MMP12: variants seen among roughly 807,000 people sequenced by gnomAD.
MMP12 encodes the protein matrix metallopeptidase 12, also known as macrophage metalloelastase.
Under a neutral mutation model 45.2 loss-of-function variants are expected in MMP12, and 51 were observed. The observed-to-expected ratio is 1.13, with a 90% CI of 0.90 to 1.42. The LOEUF is 1.42. Among genes scored for constraint, MMP12 ranks in the 40% most tolerant of loss-of-function variants. The pLI is 0.00. For missense variants in MMP12, 530 were observed against 570.8 expected (o/e 0.93, Z 0.73); for synonymous variants, 210 against 193.3 (o/e 1.09, Z -0.72).
intron 4 of MMP12, 154 bp downstream of exon 4, chr11:102,871,440 G>A (rs1859493232): frequency 1.8e-6 from 1 of 555,488 alleles, no homozygotes; most frequent in Non-Finnish European, 2.3e-6. Context: ...TTGATTTAGA[G>A]GCAAAATTAT....
At position 102,864,021 on chromosome 11, in the gene MMP12, G is replaced by A. The variant is rs1859339023; in HGVS notation, c.1312+125C>T. 4 of 708,798 alleles carry A rather than the reference G, an allele frequency of 5.6e-6. No homozygotes were observed. The East Asian group carries it at 1.1e-4, about 19-fold the overall frequency. 43.9% of individuals were successfully genotyped at this position (708,798 alleles called of 1,614,324 possible). A position where few individuals can be genotyped will look rare whatever the true frequency, so the allele number is the denominator to read the frequency against. ...CCACGTACAGTGTGAGTTTTTCCTT[G>A]CGGCCCTATGGGGAACTGCAGAAAC... On this transcript the variant is annotated intron_variant, in intron 9 of 9. Transcript: ENST00000571244.
intron 6 of MMP12, among the ~76,000 whole-genome samples, chr11:102,866,842 A>G (rs1859397295): frequency 6.6e-6 from 1 of 152,082 alleles, no homozygotes; most frequent in African/African-American, 2.4e-5. Flanking sequence ...GCCCCTCCTT[A>G]CCACCAACAT....
intron 6 of MMP12, among the ~76,000 whole-genome samples, chr11:102,866,728 A>C (rs1028757599): frequency 2.0e-5 from 3 of 152,130 alleles, no homozygotes; most frequent in African/African-American, 7.2e-5. Flanking sequence ...TTCACTCACC[A>C]GTTTTGTAAC....
At chr11:102,863,250 TACAACA>T in intron 9 of MMP12, 50 bp from the exon 10 acceptor site, 1 of 984,590 alleles carries the variant, frequency 1.0e-6, no homozygotes, top group Non-Finnish European at 1.6e-6. Flanking sequence ...TGTATTTCTT[TACAACA>T]ACAACAACAA....
rs1555008048 is a variant in MMP12, at chr11:102,863,163, T to C, written c.1350A>G (p.Glu450=). 1 of 1,610,760 alleles carries C rather than the reference T, an allele frequency of 6.2e-7. No homozygotes were observed. The highest frequency in any genetic ancestry group is 1.3e-5 in the African/African-American group (1 of 74,918). The change falls in exon 10 of 10, where the codon GAA becomes GAG. Residue 450 remains glutamate (E), a synonymous_variant. Coordinates refer to ENST00000571244, the MANE Select transcript of MMP12 (RefSeq NM_002426.6). ...TGATACGTTGGAGTAGGAAGTCATA[T>C]TCAAATTGGTTAGATCCTTGGAAGA... The part of the protein sequence containing the change: ...YYFFQGSNQF[E]YDFLLQRITK...
chr11:102,873,689 CTT>C (rs1591122986), intron 1 of MMP12, among the ~76,000 whole-genome samples: 1 of 152,236 alleles, frequency 6.6e-6, no homozygotes, highest in Non-Finnish European at 1.5e-5. Flanking sequence ...GTGGAAGTAT[CTT>C]TTTTAAAACG....
In MMP12 at chr11:102,871,893, G is replaced by T; in HGVS notation, c.410C>A (p.Ala137Asp). 6.2e-7 allele frequency: 1 copy of T among 1,613,808 alleles called. No homozygotes were observed. The highest frequency in any genetic ancestry group is 2.2e-5 in the East Asian group (1 of 44,880). The change falls in exon 3 of 10, where the codon GCT becomes GAT. Residue 137 changes from alanine to aspartate, a missense_variant. Physicochemically the swap from Ala to Asp is moderately radical, Grantham distance 126 (BLOSUM62 -2). Transcript: ENST00000571244. ...GGTAACATTACTCCATACTTGGAAA[G>T]CTTTCCGGATTGCGTAGTCAACATC... ...REDVDYAIRK[A>D]FQVWSNVTPL...
intron 4 of MMP12, 55 bp from the exon 5 acceptor site, chr11:102,868,124 G>T (rs2134420360): frequency 7.2e-7 from 1 of 1,388,988 alleles, no homozygotes; most frequent in Non-Finnish European, 1.0e-6. Context: ...TCTTGGACAA[G>T]AACACAATAT....
intron 8 of MMP12, among the ~76,000 whole-genome samples, chr11:102,864,690 G>A (rs1461040445): frequency 6.6e-6 from 1 of 152,214 alleles, no homozygotes; most frequent in East Asian, 1.9e-4. Context: ...ACACACGTTT[G>A]AGAGAAATTG....
chr11:102,868,835 A>G (rs990978374), intron 4 of MMP12, among the ~76,000 whole-genome samples: 2 of 152,244 alleles, frequency 1.3e-5, no homozygotes, highest in African/African-American at 4.8e-5. Context: ...AAAGAGAAAA[A>G]ATAAATAATT....
chr11:102,868,279 G>T (rs1459837091), intron 4 of MMP12, among the ~76,000 whole-genome samples: 2 of 152,092 alleles, frequency 1.3e-5, no homozygotes, highest in Non-Finnish European at 2.9e-5. Flanking sequence ...GAAATCTCAG[G>T]TTTTACCCCT....
intron 6 of MMP12, among the ~76,000 whole-genome samples, chr11:102,866,782 C>G (rs142293169): frequency 2.6e-3 from 399 of 152,154 alleles, no homozygotes; most frequent in African/African-American, 9.0e-3. Context: ...CTTATAATCT[C>G]AAAAATGGGA....
chr11:102,872,761 G>C (rs1046010470), intron 2 of MMP12, 104 bp downstream of exon 2: 1 of 1,256,184 alleles, frequency 8.0e-7, no homozygotes, highest in African/African-American at 1.5e-5. Context: ...ATGGAGGGAG[G>C]TTACTTTATC....
chr11:102,862,898 AGT>A lies in MMP12; in HGVS notation c.*200_*201del, dbSNP rs1400732505. 43 of 378,912 alleles carry A rather than the reference AGT, an allele frequency of 1.1e-4. No individual in the cohort carries two copies. The highest frequency in any genetic ancestry group is 5.0e-4 in the Admixed American group (11 of 21,800). 23.5% of individuals were successfully genotyped at this position (378,912 alleles called of 1,614,324 possible). A position where few individuals can be genotyped will look rare whatever the true frequency, so the allele number is the denominator to read the frequency against. On this transcript the variant is annotated 3_prime_UTR_variant, in exon 10 of 10. Coordinates refer to ENST00000571244, the MANE Select transcript of MMP12 (RefSeq NM_002426.6). ...GAAGGTAACTATTTTCAAACTTAAT[AGT>A]AGAGTCAAGCAAGAATGGACAATTA... is the stretch of plus-strand genomic sequence containing the variant.
At chr11:102,864,888 A>G (rs542623142) in intron 8 of MMP12, among the ~76,000 whole-genome samples, 2 of 152,152 alleles carry the variant, frequency 1.3e-5, no homozygotes, top group Non-Finnish European at 2.9e-5. Context: ...CACTCTCTCA[A>G]TGGCCTTTCA....
In MMP12 at chr11:102,867,996, C is replaced by G; in HGVS notation, c.699G>C (p.Lys233Asn). ...ATTTGTAGGTGGGGAACATTACGGC[C>G]TTTGGATCACTAGAATGGCCAAGAC... The part of the protein sequence containing the change: ...SLGLGHSSDP[K>N]AVMFPTYKYV... Residue 233 changes from lysine (K) to asparagine (N), a missense_variant, in exon 5 of 10, where the codon AAG becomes AAC. By Grantham distance (94) the Lys-to-Asn change is moderately conservative (BLOSUM62 0). Transcript: ENST00000571244. 1 of 1,606,592 alleles carries G rather than the reference C, an allele frequency of 6.2e-7. No homozygotes were observed.
At chr11:102,868,256 T>TTA (rs1555008909) in intron 4 of MMP12, among the ~76,000 whole-genome samples, 187 bp from the exon 5 acceptor site, 1 of 152,196 alleles carries the variant, frequency 6.6e-6, no homozygotes, top group Admixed American at 6.5e-5. Flanking sequence ...GTTCTGTGCA[T>TTA]TATAGTTGTT....
rs781997674 is a variant in MMP12, at chr11:102,865,971, T to A, written c.1046-36A>T. ...AAAGAAATAGGGTAAATTTGAATTA[T>A]ACAGGAAGAGTAATAAGAAAATATT... On this transcript the variant is annotated intron_variant, in intron 7 of 9. Coordinates refer to ENST00000571244, the MANE Select transcript of MMP12 (RefSeq NM_002426.6). The surrounding 1 kb of genome is among the most constrained non-coding windows in gnomAD (Gnocchi z 4.1). The A allele has an allele frequency of 2.7e-6, 4 of 1,487,818 alleles. No homozygotes were observed. Among genetic ancestry groups the A allele is most frequent in the Non-Finnish European group, 3.7e-6 (4 of 1,084,134 alleles). The allele number at this position is 1,487,818 out of a possible 1,614,324, so 92.2% of individuals were successfully genotyped here.
Position 102,864,272 on chromosome 11 carries a change from G to A in MMP12, c.1206-20C>T, listed in dbSNP as rs1555008213. On this transcript the variant is annotated intron_variant, in intron 8 of 9. Transcript: ENST00000571244. ...TCATACCTGAGCAAAGAAGTAACCA[G>A]CAGGAACTCAATCAGAAAGTGGCTT... is the stretch of plus-strand genomic sequence containing the variant. The A allele has an allele frequency of 6.4e-7, 1 of 1,551,122 alleles. No individual in the cohort carries two copies. The highest frequency in any genetic ancestry group is 8.9e-7 in the Non-Finnish European group (1 of 1,123,630).
Sources: gnomAD v4.1 joint callset for allele counts (sites outside exome capture counted in the v4.1 genomes callset) on GRCh38, gnomAD v4.1.1 for gene constraint, Gnocchi (gnomAD v3.1) non-coding constraint, MANE v1.5 for transcripts, NCBI Gene and HGNC (gene_info 2026-07-23, HGNC 2026-07-21) for gene names.